Variants in HEMK2 observed in about 807,000 individuals in gnomAD.
The protein encoded by HEMK2 is HemK methyltransferase 2, ETF1 glutamine and histone H4 lysine.
At chr21:28,636,739 T>G in the HEMK2 span, among the ~76,000 whole-genome samples, 1 of 152,172 alleles carries the variant, frequency 6.6e-6, no homozygotes, top group Non-Finnish European at 1.5e-5. Flanking sequence ...GCATCTTGCT[T>G]CCCATTCCCA....
At chr21:28,717,243 G>A in the HEMK2 span, among the ~76,000 whole-genome samples, 237 of 152,146 alleles carry the variant, frequency 1.6e-3, no homozygotes, top group Non-Finnish European at 2.8e-3. Flanking sequence ...CCATCAGGTC[G>A]AGGGTTTTTT....
At chr21:28,738,380 T>C in the HEMK2 span, among the ~76,000 whole-genome samples, 1 of 152,172 alleles carries the variant, frequency 6.6e-6, no homozygotes, top group Non-Finnish European at 1.5e-5. Flanking sequence ...TTGGCAACCT[T>C]TTGAGTGGGC....
chr21:28,750,955 G>A, the HEMK2 span, among the ~76,000 whole-genome samples: 1 of 152,154 alleles, frequency 6.6e-6, no homozygotes, highest in Non-Finnish European at 1.5e-5. Flanking sequence ...GTTCGGCCAG[G>A]TGCGGTGGCT....
chr21:28,781,536 G>T, the HEMK2 span, among the ~76,000 whole-genome samples: 1 of 152,182 alleles, frequency 6.6e-6, no homozygotes, highest in African/African-American at 2.4e-5. Flanking sequence ...TAATACTACA[G>T]TGAAAGGAAT....
At chr21:28,604,778 C>A in the HEMK2 span, among the ~76,000 whole-genome samples, 34 of 152,326 alleles carry the variant, frequency 2.2e-4, no homozygotes, top group East Asian at 3.7e-3. Flanking sequence ...CAAAGCCTCA[C>A]ACCATTTGCT....
At chr21:28,698,321 T>G in the HEMK2 span, among the ~76,000 whole-genome samples, 1 of 152,112 alleles carries the variant, frequency 6.6e-6, no homozygotes, top group African/African-American at 2.4e-5. Context: ...TCTCATAAAC[T>G]GGAGAGCAGA....
At chr21:28,728,732 T>C in the HEMK2 span, among the ~76,000 whole-genome samples, 3 of 152,254 alleles carry the variant, frequency 2.0e-5, no homozygotes, top group South Asian at 2.1e-4. Flanking sequence ...CAAGTAGGAA[T>C]TGATCTGTTG....
the HEMK2 span, among the ~76,000 whole-genome samples, chr21:28,752,317 G>A: frequency 6.6e-6 from 1 of 152,096 alleles, no homozygotes; most frequent in Non-Finnish European, 1.5e-5. Context: ...CTGATCCCAG[G>A]ATAGTCCAAA....
the HEMK2 span, among the ~76,000 whole-genome samples, chr21:28,814,099 T>C: frequency 6.6e-6 from 1 of 152,038 alleles, no homozygotes; most frequent in Non-Finnish European, 1.5e-5. Context: ...TAGCTGGGCA[T>C]GGTGGTGCAC....
the HEMK2 span, among the ~76,000 whole-genome samples, chr21:28,869,110 CCA>C: frequency 6.6e-6 from 1 of 152,054 alleles, no homozygotes; most frequent in East Asian, 1.9e-4. Context: ...AGAATATTTG[CCA>C]CAGTTTTTTG....
At chr21:28,591,082 A>T in the HEMK2 span, among the ~76,000 whole-genome samples, 4 of 152,218 alleles carry the variant, frequency 2.6e-5, no homozygotes. Context: ...AGAATGTGTT[A>T]TTCCTTCACA....
At chr21:28,742,803 G>A in the HEMK2 span, among the ~76,000 whole-genome samples, 4 of 152,036 alleles carry the variant, frequency 2.6e-5, no homozygotes, top group African/African-American at 9.7e-5. Flanking sequence ...AGAATTTGAA[G>A]AAGCCCTATA....
chr21:28,786,722 G>T, the HEMK2 span, among the ~76,000 whole-genome samples: 1 of 150,934 alleles, frequency 6.6e-6, no homozygotes, highest in Admixed American at 6.6e-5. Context: ...GTTCTCTGTT[G>T]CCAGATACAT....
the HEMK2 span, among the ~76,000 whole-genome samples, chr21:28,842,645 G>A: frequency 5.3e-5 from 8 of 152,134 alleles, no homozygotes; most frequent in Non-Finnish European, 1.0e-4. Flanking sequence ...GCCGAGTTTT[G>A]TTCAGCAACA....
the HEMK2 span, among the ~76,000 whole-genome samples, chr21:28,825,749 C>A: frequency 6.6e-6 from 1 of 152,190 alleles, no homozygotes; most frequent in African/African-American, 2.4e-5. Flanking sequence ...CCCCTGACAA[C>A]CATAAAAGTT....
chr21:28,652,304 G>A, the HEMK2 span, among the ~76,000 whole-genome samples: 1 of 152,146 alleles, frequency 6.6e-6, no homozygotes, highest in Non-Finnish European at 1.5e-5. Flanking sequence ...CCATTCTTGG[G>A]CATGTCATTG....
chr21:28,664,978 C>G, the HEMK2 span, among the ~76,000 whole-genome samples: 95 of 152,182 alleles, frequency 6.2e-4, no homozygotes, highest in African/African-American at 2.1e-3. Context: ...GCTCCAGTTA[C>G]TTTTAAAGAG....
At chr21:28,732,891 C>T in the HEMK2 span, among the ~76,000 whole-genome samples, 4 of 152,256 alleles carry the variant, frequency 2.6e-5, no homozygotes, top group South Asian at 4.1e-4. Flanking sequence ...TTTTGCTTGT[C>T]GGTAATACCC....
At chr21:28,617,829 C>T in the HEMK2 span, among the ~76,000 whole-genome samples, 1 of 151,856 alleles carries the variant, frequency 6.6e-6, no homozygotes, top group East Asian at 1.9e-4. Flanking sequence ...ATTCCCGTCA[C>T]CCAGGCTGGA....
Sources: allele counts gnomAD v4.1 joint callset (sites outside exome capture counted in the v4.1 genomes callset), GRCh38; gene constraint gnomAD v4.1.1; transcripts MANE v1.5; gene names NCBI Gene and HGNC (gene_info 2026-07-23, HGNC 2026-07-21).